Variants in STAMBP observed in about 807,000 individuals in gnomAD.
The protein encoded by STAMBP is STAM-binding protein.
A neutral mutation model predicts 50.7 loss-of-function variants in STAMBP; 31 were observed. The ratio of observed to expected loss-of-function variants is 0.61; its 90% CI spans 0.46 to 0.83. The LOEUF is 0.83. STAMBP is among the 40% of genes least tolerant of loss of function. The pLI is 0.00. For synonymous variants in STAMBP, 211 were observed against 192.4 expected, an observed-to-expected ratio of 1.10 and a Z score of -0.80; for missense variants, 472 against 518.9, an observed-to-expected ratio of 0.91 and a Z score of 0.88.
At chr2:73,858,130 G>T (rs951194053) in intron 7 of STAMBP, among the ~76,000 whole-genome samples, 1 of 149,334 alleles carries the variant, frequency 6.7e-6, no homozygotes, top group Non-Finnish European at 1.5e-5. Flanking sequence ...CTACAGGCGC[G>T]TGCCACCACG....
intron 2 of STAMBP, among the ~76,000 whole-genome samples, chr2:73,834,441 T>C (rs543824088): frequency 6.6e-6 from 1 of 151,330 alleles, no homozygotes; most frequent in African/African-American, 2.4e-5. Flanking sequence ...GAGAATGTTA[T>C]TAAGAAAATC....
At chr2:73,846,355 A>G (rs535443761) in intron 4 of STAMBP, among the ~76,000 whole-genome samples, 1 of 152,280 alleles carries the variant, frequency 6.6e-6, no homozygotes. Flanking sequence ...TAATCCTAGC[A>G]CTTTGGGAGC....
chr2:73,857,162 G>A (rs894650608), intron 7 of STAMBP, among the ~76,000 whole-genome samples: 29 of 152,050 alleles, frequency 1.9e-4, no homozygotes, highest in African/African-American at 5.8e-4. Context: ...ATCTTTCCCC[G>A]ATGATGCCCC....
rs1052961546 is a variant in STAMBP at position 73,847,270 on chromosome 2, G to A, written c.376-117G>A. 4 of 1,273,274 alleles carry A rather than the reference G, an allele frequency of 3.1e-6. No homozygotes were observed. In the African/African-American group the frequency reaches 6.0e-5, roughly 19 times the overall value. 78.9% of individuals were successfully genotyped at this position (1,273,274 alleles called of 1,614,324 possible). A position where few individuals can be genotyped will look rare whatever the true frequency, so the allele number is the denominator to read the frequency against. On this transcript the variant is annotated intron_variant, in intron 4 of 9. Transcript: ENST00000394070. ...GAGGAAAGCATGAATTCTGTGTTAG[G>A]TAATCAGGCCACAGCAGAAGTACAT...
Position 73,830,867 on chromosome 2 carries a change from A to G in STAMBP, c.11A>G (p.His4Arg). Reference sequence around the variant, plus strand: ...CAGAACTTGGTCCTGATGTCTGACCATGGAGATGTGAGCCTCCCGCCCGAA... The same window carrying G: ...CAGAACTTGGTCCTGATGTCTGACCGTGGAGATGTGAGCCTCCCGCCCGAA... Reference protein sequence around the residue: MSDHGDVSLPPEDR... With the variant: MSDRGDVSLPPEDR... Residue 4 changes from histidine to arginine, a missense_variant, in exon 2 of 10, where the codon CAT (histidine) becomes CGT (arginine). Physicochemically the swap from His to Arg is conservative, Grantham distance 29. Transcript: ENST00000394070. 2 of 1,613,056 alleles carry G rather than the reference A, an allele frequency of 1.2e-6. No individual in the cohort carries two copies. The highest frequency in any genetic ancestry group is 8.5e-7 in the Non-Finnish European group (1 of 1,179,968).
chr2:73,832,762 C>T (rs1039702865), intron 2 of STAMBP, among the ~76,000 whole-genome samples: 1 of 152,170 alleles, frequency 6.6e-6, no homozygotes, highest in Non-Finnish European at 1.5e-5. Context: ...CCCCCCTCCC[C>T]GCAGTGTGAC....
At chr2:73,871,267 G>T (rs1679187328), downstream of STAMBP, among the ~76,000 whole-genome samples, 1 of 151,992 alleles carries the variant, frequency 6.6e-6, no homozygotes, top group Admixed American at 6.6e-5. Context: ...ATTGCGGCCG[G>T]GCGTGGTGGC....
rs1295987339 is a variant in STAMBP, at chr2:73,860,671, TG to T, written c.1218+521del. ...CTACAAAGTTCTTTTTTCCCTATGT[TG>T]TGGTCTGTGAATAAAAAGTTTAGTT... On this transcript the variant is annotated intron_variant, in intron 9 of 9. Coordinates refer to ENST00000394070, the MANE Select transcript of STAMBP (RefSeq NM_213622.4). 1.1e-5 allele frequency: 5 copies of T among 475,664 alleles called. No homozygotes were observed. In the East Asian group the frequency reaches 6.1e-4, roughly 58 times the overall value. 29.5% of individuals were successfully genotyped at this position (475,664 alleles called of 1,614,324 possible). A position where few individuals can be genotyped will look rare whatever the true frequency, so the allele number is the denominator to read the frequency against.
In STAMBP at chr2:73,833,351, C is replaced by A. The variant is rs1674195621; in HGVS notation, c.203+2292C>A. ...CCTGTTTCCTTAAAGATCTGTAGTT[C>A]TTTAATGCCATTATGTCATGTCATG... On this transcript the variant is annotated intron_variant, in intron 2 of 9. Transcript: ENST00000394070. 2.6e-5 allele frequency among the ~76,000 whole-genome samples: 4 copies of A among 152,162 alleles called. No homozygotes were observed. The South Asian group carries it at 8.3e-4, about 32-fold the overall frequency.
chr2:73,869,897 T>C (rs1293326803), downstream of STAMBP, among the ~76,000 whole-genome samples: 1 of 152,208 alleles, frequency 6.6e-6, no homozygotes. Context: ...AGTGTCAGAC[T>C]TTCAAACCCA....
intron 2 of STAMBP, among the ~76,000 whole-genome samples, chr2:73,836,405 C>T (rs1057376843): frequency 2.6e-5 from 4 of 152,198 alleles, no homozygotes; most frequent in African/African-American, 4.8e-5. Context: ...CCCTCCACCC[C>T]GTGGTGCCCG....
intron 2 of STAMBP, among the ~76,000 whole-genome samples, chr2:73,838,941 A>T (rs1258048013): frequency 6.6e-6 from 1 of 152,222 alleles, no homozygotes; most frequent in African/African-American, 2.4e-5. Flanking sequence ...AACAAATTCT[A>T]GCTCACTGAT....
chr2:73,836,683 T>C (rs896066610), intron 2 of STAMBP, among the ~76,000 whole-genome samples: 6 of 152,228 alleles, frequency 3.9e-5, no homozygotes, highest in African/African-American at 1.2e-4. Flanking sequence ...GGCCGCCGGC[T>C]GGGGAACAGG....
chr2:73,856,932 A>G (rs1677625256), intron 7 of STAMBP, among the ~76,000 whole-genome samples: 1 of 152,182 alleles, frequency 6.6e-6, no homozygotes, highest in Non-Finnish European at 1.5e-5. Flanking sequence ...ACACCCCACA[A>G]GACCCACCAT....
intron 7 of STAMBP, among the ~76,000 whole-genome samples, chr2:73,855,379 C>A (rs1344840671): frequency 6.6e-6 from 1 of 152,196 alleles, no homozygotes; most frequent in Non-Finnish European, 1.5e-5. Flanking sequence ...ATTCAAGAAA[C>A]TTGACTGTGA....
chr2:73,846,451 A>G (rs558589409), intron 4 of STAMBP, among the ~76,000 whole-genome samples: 12 of 151,896 alleles, frequency 7.9e-5, no homozygotes, highest in Admixed American at 5.2e-4. Flanking sequence ...AAATACAAAA[A>G]TTAGCTGGGT....
intron 7 of STAMBP, among the ~76,000 whole-genome samples, chr2:73,854,333 G>A (rs141840235): frequency 6.5e-4 from 99 of 152,312 alleles, no homozygotes; most frequent in Non-Finnish European, 1.2e-3. Flanking sequence ...TGGAGGAGAT[G>A]GGGGAAAGTT....
At chr2:73,838,150 A>G (rs1441630279) in intron 2 of STAMBP, among the ~76,000 whole-genome samples, 1 of 152,224 alleles carries the variant, frequency 6.6e-6, no homozygotes, top group Non-Finnish European at 1.5e-5. Flanking sequence ...GGCAAAGGGT[A>G]TAGACCTGAA....
intron 2 of STAMBP, among the ~76,000 whole-genome samples, chr2:73,842,652 G>A (rs1466000457): frequency 6.6e-6 from 1 of 152,212 alleles, no homozygotes; most frequent in Non-Finnish European, 1.5e-5. Flanking sequence ...TCTTGTTTAT[G>A]TCAATTAGTG....
Sources: allele counts gnomAD v4.1 joint callset (sites outside exome capture counted in the v4.1 genomes callset), GRCh38; gene constraint gnomAD v4.1.1; transcripts MANE v1.5; gene names NCBI Gene and HGNC (gene_info 2026-07-23, HGNC 2026-07-21).